The following MARK2 variants were observed in gnomAD, a reference collection of about 807,000 sequenced individuals.
The protein encoded by MARK2 is serine/threonine-protein kinase MARK2.
In MARK2, 16 loss-of-function variants were observed where a neutral mutation model predicts 89.8. That is an observed-to-expected ratio of 0.18 (90% CI 0.12 to 0.27). The LOEUF (loss-of-function observed/expected upper bound fraction) is 0.27, where lower values mean the gene tolerates loss of function less well. Among genes scored for constraint, MARK2 ranks in the 10% least tolerant of loss-of-function variants. MARK2 has a pLI of 1.00. For synonymous variants in MARK2, 382 were observed against 399.5 expected, an observed-to-expected ratio of 0.96 and a Z score of 0.52; for missense variants, 621 against 1,049.9, an observed-to-expected ratio of 0.59 and a Z score of 5.65.
Position 63,902,984 on chromosome 11 carries a change from C to A in MARK2, c.1417-77C>A. 1 of 1,309,640 alleles carries A rather than the reference C, an allele frequency of 7.6e-7. No individual in the cohort carries two copies. 81.1% of individuals were successfully genotyped at this position (1,309,640 alleles called of 1,614,324 possible). ...AGGTGGAAGGGACAGGAAGCCTGTT[C>A]CATGAACCTGGGGGGAGAACCTGGC... On this transcript the variant is annotated intron_variant, in intron 13 of 18. Transcript: ENST00000402010. The surrounding 1 kb of genome is among the most constrained non-coding windows in gnomAD (Gnocchi z 4.2).
chr11:63,849,027 CAG>C (rs1188248221), intron 1 of MARK2, among the ~76,000 whole-genome samples: 2 of 152,050 alleles, frequency 1.3e-5, no homozygotes, highest in African/African-American at 2.4e-5. Context: ...TTTTAAGAGA[CAG>C]GGTCTCACCC....
In MARK2 at chr11:63,903,123, C is replaced by T. The variant is rs184281247; in HGVS notation, c.1479C>T (p.Ser493=). 6.2e-7 allele frequency: 1 copy of T among 1,613,902 alleles called. No homozygotes were observed. The highest frequency in any genetic ancestry group is 1.7e-5 in the Admixed American group (1 of 60,026). The change falls in exon 14 of 19, where the codon AGC becomes AGT. Residue 493 remains serine, a synonymous_variant. Coordinates refer to ENST00000402010, the MANE Select transcript of MARK2 (RefSeq NM_001039469.3). This position sits in a 1 kb window ranked among gnomAD's most constrained non-coding sequence, Gnocchi z 5.1. Reference sequence around the variant, plus strand: ...ATTCCCCACTTTTGGAGCGGGCCAGCCTCGGCCAGGCCTCCATCCAGAATG... The same window carrying T: ...ATTCCCCACTTTTGGAGCGGGCCAGTCTCGGCCAGGCCTCCATCCAGAATG... ...SRNSPLLERA[S]LGQASIQNGK...
At position 63,902,055 on chromosome 11, in the gene MARK2, T is replaced by C; in HGVS notation, c.1102-143T>C. 2.6e-6 allele frequency: 2 copies of C among 756,484 alleles called. No individual in the cohort carries two copies. The highest frequency in any genetic ancestry group is 5.4e-5 in the East Asian group (2 of 36,822). 46.9% of individuals were successfully genotyped at this position (756,484 alleles called of 1,614,324 possible). A position where few individuals can be genotyped will look rare whatever the true frequency, so the allele number is the denominator to read the frequency against. On this transcript the variant is annotated intron_variant, in intron 11 of 18. Transcript: ENST00000402010. This position sits in a 1 kb window ranked among gnomAD's most constrained non-coding sequence, Gnocchi z 4.2. ...TCTCCAGGGTCTCCTCCAGGGGGGA[T>C]GTATTGGTCTTACAAGTGGATGTCC...
rs1468450094 is a variant in MARK2 at position 63,899,088 on chromosome 11, A to C, written c.511A>C (p.Ile171Leu). The C allele has an allele frequency of 6.2e-7, 1 of 1,611,760 alleles. No homozygotes were observed. The highest frequency in any genetic ancestry group is 1.3e-5 in the African/African-American group (1 of 74,810). Reference sequence around the variant, plus strand: ...TGTGCAGTACTGTCACCAGAAGTTTATTGTCCATAGAGACTTAAAGGTAAG... The same window carrying C: ...TGTGCAGTACTGTCACCAGAAGTTTCTTGTCCATAGAGACTTAAAGGTAAG... ...SAVQYCHQKF[I>L]VHRDLKAENL... Residue 171 changes from isoleucine to leucine, a missense_variant, in exon 7 of 19, where the codon ATT (isoleucine) becomes CTT (leucine). Around this residue, in one of 5 missense-constraint regions of MARK2, gnomAD observed 82 missense variants for 287.7 expected, o/e 0.29. Coordinates refer to ENST00000402010, the MANE Select transcript of MARK2 (RefSeq NM_001039469.3).
chr11:63,888,556 C>G, intron 1 of MARK2: 3 of 1,072,480 alleles, frequency 2.8e-6, no homozygotes, highest in Non-Finnish European at 3.4e-6. Context: ...CCTTCCTGCC[C>G]TATTCCCCTC....
At chr11:63,865,494 C>T (rs1161408911) in intron 1 of MARK2, among the ~76,000 whole-genome samples, 2 of 152,230 alleles carry the variant, frequency 1.3e-5, no homozygotes, top group Admixed American at 6.5e-5. Context: ...CCATCTCCAA[C>T]ACATTTTTAT....
intron 1 of MARK2, among the ~76,000 whole-genome samples, chr11:63,879,350 T>C (rs551671951): frequency 6.6e-6 from 1 of 152,144 alleles, no homozygotes; most frequent in Non-Finnish European, 1.5e-5. Context: ...GTCATGGCAC[T>C]ATCTATCACA....
Position 63,909,246 on chromosome 11 carries a change from C to T in MARK2, c.*9C>T. On this transcript the variant is annotated 3_prime_UTR_variant, in exon 19 of 19. Transcript: ENST00000402010. ...ACGAGCTGAAGCTTTAACAGGCTGC[C>T]AGGAGCGGGGGCGGCGGGGGCGGGC... 1 of 1,578,292 alleles carries T rather than the reference C, an allele frequency of 6.3e-7. No individual in the cohort carries two copies. The highest frequency in any genetic ancestry group is 8.7e-7 in the Non-Finnish European group (1 of 1,153,544).
intron 1 of MARK2, among the ~76,000 whole-genome samples, chr11:63,854,697 T>C (rs556463765): frequency 9.9e-5 from 15 of 150,892 alleles, no homozygotes; most frequent in African/African-American, 1.5e-4. Context: ...TAGCTGGGCA[T>C]GGTGGTGGGT....
At chr11:63,849,644 T>G (rs2135206349) in intron 1 of MARK2, among the ~76,000 whole-genome samples, 1 of 152,246 alleles carries the variant, frequency 6.6e-6, no homozygotes, top group South Asian at 2.1e-4. Flanking sequence ...TCCCAGCTAC[T>G]CGGAAGGCTG....
rs1205211678 is a variant in MARK2, at chr11:63,839,522, AC to A, written c.22del (p.Leu8TyrfsTer4). MSSAR[T>X]PLPTLNERDT... The stretch of plus-strand genomic sequence containing the variant: ...TACCGGCGCCATGTCCAGCGCTCGG[AC>A]CCCCCTACCCACGCTGAACGAGAGG... On this transcript the variant is annotated frameshift_variant, in exon 1 of 19. Transcript: ENST00000402010. LOFTEE classifies it high-confidence loss of function. 5.3e-6 allele frequency: 8 copies of A among 1,523,284 alleles called. No individual in the cohort carries two copies. The highest frequency in any genetic ancestry group is 1.4e-5 in the African/African-American group (1 of 69,344). The allele number at this position is 1,523,284 out of a possible 1,614,324, so 94.4% of individuals were successfully genotyped here.
rs1480921733 is a variant in MARK2, at chr11:63,900,014, A to T, written c.672A>T (p.Lys224Asn). 1 of 1,614,212 alleles carries T rather than the reference A, an allele frequency of 6.2e-7. No individual in the cohort carries two copies. The highest frequency in any genetic ancestry group is 1.7e-5 in the Admixed American group (1 of 60,028). ...PYAAPELFQG[K>N]KYDGPEVDVW... ...CTGCCCCAGAACTCTTCCAGGGCAA[A>T]AAATATGATGGACCCGAGGTGGATG... The change falls in exon 8 of 19, where the codon AAA becomes AAT. Residue 224 changes from lysine (K) to asparagine (N), a missense_variant. Lys to Asn is a moderately conservative substitution (Grantham distance 94). Transcript: ENST00000402010. This position sits in a 1 kb window ranked among gnomAD's most constrained non-coding sequence, Gnocchi z 4.7.
chr11:63,866,651 T>C lies in MARK2; in HGVS notation c.54+27091T>C, dbSNP rs548948505. ...AGAGGCTTGTGTAGCTAATCCACTA[T>C]CTACTGTACAGGAAAGATTTTAAAT... is the stretch of plus-strand genomic sequence containing the variant. On this transcript the variant is annotated intron_variant, in intron 1 of 18. Transcript: ENST00000402010. Among the ~76,000 whole-genome samples the C allele has an allele frequency of 2.6e-5, 4 of 152,350 alleles. No homozygotes were observed. The East Asian group carries it at 7.7e-4, about 29-fold the overall frequency.
intron 1 of MARK2, among the ~76,000 whole-genome samples, chr11:63,850,888 A>G (rs1252331845): frequency 1.3e-5 from 2 of 151,806 alleles, no homozygotes; most frequent in African/African-American, 2.4e-5. Context: ...GGTCTTGAAT[A>G]TTTGGCCTCA....
At position 63,900,705 on chromosome 11, in the gene MARK2, A is replaced by G. The variant is rs748255617; in HGVS notation, c.888+27A>G. Reference sequence around the variant, plus strand: ...TGAGCAGTGGAGCCCAACTGGCGGAAGGGCCTGGGGTCCCCACAGAAACTT... The same window carrying G: ...TGAGCAGTGGAGCCCAACTGGCGGAGGGGCCTGGGGTCCCCACAGAAACTT... On this transcript the variant is annotated intron_variant, in intron 9 of 18. Transcript: ENST00000402010. This position sits in a 1 kb window ranked among gnomAD's most constrained non-coding sequence, Gnocchi z 4.7. 14 of 1,613,764 alleles carry G rather than the reference A, an allele frequency of 8.7e-6. 1 individual carries two copies. The South Asian group carries it at 1.5e-4, about 18-fold the overall frequency.
In MARK2 at chr11:63,903,961, C is replaced by T; in HGVS notation, c.1515-25C>T. ...CGCCCTCACTCACCCCTAACACGGG[C>T]CTCTCCGCTGCTTTTGTTTCCTAGC... is the stretch of plus-strand genomic sequence containing the variant. On this transcript the variant is annotated intron_variant, in intron 14 of 18. Coordinates refer to ENST00000402010, the MANE Select transcript of MARK2 (RefSeq NM_001039469.3). The surrounding 1 kb of genome is among the most constrained non-coding windows in gnomAD (Gnocchi z 5.1). 2.5e-6 allele frequency: 4 copies of T among 1,585,374 alleles called. No homozygotes were observed. The highest frequency in any genetic ancestry group is 3.4e-6 in the Non-Finnish European group (4 of 1,164,006).
At position 63,905,007 on chromosome 11, in the gene MARK2, G is replaced by A. The variant is rs151049341; in HGVS notation, c.1898G>A (p.Ser633Asn). ...CAGGGCCGGCGGGGGGCCTCTGGGA[G>A]CATCTTCAGCAAGTTCACCTCCAAG... Reference protein sequence around the residue: ...HSQGRRGASGSIFSKFTSKFV... With the variant: ...HSQGRRGASGNIFSKFTSKFV... Residue 633 changes from serine (S) to asparagine (N), a missense_variant, in exon 16 of 19, where the codon AGC (serine) becomes AAC (asparagine). By Grantham distance (46) the Ser-to-Asn change is conservative (BLOSUM62 1). Around this residue, in one of 5 missense-constraint regions of MARK2, gnomAD observed 397 missense variants for 567.8 expected, o/e 0.70. Coordinates refer to ENST00000402010, the MANE Select transcript of MARK2 (RefSeq NM_001039469.3). 1,681 of 1,613,364 alleles carry A rather than the reference G, an allele frequency of 1.0e-3. 2 individuals carry two copies. The highest frequency in any genetic ancestry group is 1.3e-3 in the Non-Finnish European group (1,558 of 1,179,598).
rs1366439938 is a variant in MARK2, at chr11:63,904,767, C to T, written c.1677-19C>T. 1.2e-6 allele frequency: 2 copies of T among 1,611,008 alleles called. No homozygotes were observed. Among genetic ancestry groups the T allele is most frequent in the Non-Finnish European group, 1.7e-6 (2 of 1,177,664 alleles). On this transcript the variant is annotated intron_variant, in intron 15 of 18. Coordinates refer to ENST00000402010, the MANE Select transcript of MARK2 (RefSeq NM_001039469.3). This position sits in a 1 kb window ranked among gnomAD's most constrained non-coding sequence, Gnocchi z 6.3. The stretch of plus-strand genomic sequence containing the variant: ...TGTACCCTAATTCGTCCCCCTCAAC[C>T]CCACTTCTCTTCCCACAGCACAGCC...
intron 1 of MARK2, among the ~76,000 whole-genome samples, chr11:63,859,677 G>A (rs1357886744): frequency 2.6e-5 from 4 of 151,706 alleles, no homozygotes; most frequent in Non-Finnish European, 5.9e-5. Flanking sequence ...TGTCGCCCAG[G>A]CTGGAGTGCG....
Sources: gnomAD v4.1 joint callset for allele counts (sites outside exome capture counted in the v4.1 genomes callset) on GRCh38, gnomAD v4.1.1 for gene constraint, gnomAD v4.1.1 regional missense constraint, Gnocchi (gnomAD v3.1) non-coding constraint, MANE v1.5 for transcripts, NCBI Gene and HGNC (gene_info 2026-07-23, HGNC 2026-07-21) for gene names.